Variants in B3GALT1 observed in about 807,000 individuals in gnomAD.
The protein encoded by B3GALT1 is UDP-Gal:betaGlcNAc beta 1,3-galactosyltransferase, polypeptide 1.
B3GALT1 carries 10 observed loss-of-function variants against 23.2 expected under a neutral mutation model. That is an observed-to-expected ratio of 0.43 (90% CI 0.27 to 0.73). The LOEUF is 0.73. Ranked by LOEUF, B3GALT1 falls within the 30% of genes least tolerant of loss-of-function variation. B3GALT1 has a pLI of 0.21. For missense variants in B3GALT1, 299 were observed against 405.4 expected, an observed-to-expected ratio of 0.74 and a Z score of 2.25; for synonymous variants, 156 against 141.5, an observed-to-expected ratio of 1.10 and a Z score of -0.73.
chr2:167,506,870 A>G (rs970420999), intron 2 of B3GALT1, among the ~76,000 whole-genome samples: 2 of 152,158 alleles, frequency 1.3e-5, no homozygotes, highest in African/African-American at 4.8e-5. Context: ...GCAAACATCA[A>G]ATTTCATTGA....
chr2:167,666,004 G>A (rs1253756779), intron 3 of B3GALT1, among the ~76,000 whole-genome samples: 4 of 152,082 alleles, frequency 2.6e-5, no homozygotes, highest in African/African-American at 9.7e-5. Context: ...CCTTCTGCTA[G>A]CTTTTGAATG....
chr2:167,669,017 A>C (rs1046517845), intron 3 of B3GALT1, among the ~76,000 whole-genome samples: 4 of 152,056 alleles, frequency 2.6e-5, no homozygotes, highest in African/African-American at 9.7e-5. Context: ...TTCTTTATAT[A>C]AAGTTGCTGT....
intron 3 of B3GALT1, among the ~76,000 whole-genome samples, chr2:167,652,410 G>T (rs991451713): frequency 3.3e-5 from 5 of 152,188 alleles, no homozygotes; most frequent in Admixed American, 2.6e-4. Flanking sequence ...AAACTTAGAA[G>T]TTTTATCTGT....
chr2:167,397,952 C>T (rs1180971195), intron 1 of B3GALT1, among the ~76,000 whole-genome samples: 1 of 152,096 alleles, frequency 6.6e-6, no homozygotes, highest in East Asian at 1.9e-4. Flanking sequence ...CTTCAGCCAG[C>T]CCTGGATTTG....
chr2:167,437,543 T>C (rs1211076157), intron 1 of B3GALT1, among the ~76,000 whole-genome samples: 2 of 152,142 alleles, frequency 1.3e-5, no homozygotes, highest in East Asian at 1.9e-4. Context: ...TTTCTCAGAA[T>C]TGGGAGGTAC....
intron 1 of B3GALT1, among the ~76,000 whole-genome samples, chr2:167,360,459 G>C (rs1697482774): frequency 6.6e-6 from 1 of 152,142 alleles, no homozygotes. Flanking sequence ...CTGCATCACT[G>C]ATTTCTAAAA....
chr2:167,634,290 C>T (rs1685510203), intron 2 of B3GALT1, among the ~76,000 whole-genome samples: 1 of 151,980 alleles, frequency 6.6e-6, no homozygotes, highest in South Asian at 2.1e-4. Flanking sequence ...ATTACAAGAA[C>T]TAGAGAAGCA....
intron 4 of B3GALT1, among the ~76,000 whole-genome samples, chr2:167,829,429 G>A (rs1376012326): frequency 6.6e-6 from 1 of 151,312 alleles, no homozygotes; most frequent in Non-Finnish European, 1.5e-5. Flanking sequence ...GTTACAGGGA[G>A]CCAAGATCAC....
intron 3 of B3GALT1, among the ~76,000 whole-genome samples, chr2:167,738,797 A>T (rs1310366085): frequency 1.3e-5 from 2 of 151,766 alleles, no homozygotes; most frequent in African/African-American, 2.4e-5. Flanking sequence ...TTCTTTGTAT[A>T]CTTTTGTGGG....
chr2:167,591,394 C>A (rs1018957569), intron 2 of B3GALT1, among the ~76,000 whole-genome samples: 1 of 152,102 alleles, frequency 6.6e-6, no homozygotes, highest in African/African-American at 2.4e-5. Flanking sequence ...AATCCTTTAA[C>A]TCTTACAGAC....
intron 4 of B3GALT1, among the ~76,000 whole-genome samples, chr2:167,867,245 T>C (rs1323281618): frequency 6.6e-6 from 1 of 152,202 alleles, no homozygotes; most frequent in African/African-American, 2.4e-5. Flanking sequence ...TTTTTTTCTA[T>C]TCCTAGTTTC....
At chr2:167,410,233 G>T (rs1698369727) in intron 1 of B3GALT1, among the ~76,000 whole-genome samples, 1 of 152,104 alleles carries the variant, frequency 6.6e-6, no homozygotes, top group Non-Finnish European at 1.5e-5. Context: ...GCCGGGTGCG[G>T]TGGCTCACAC....
intron 3 of B3GALT1, among the ~76,000 whole-genome samples, chr2:167,691,640 G>A (rs187629515): frequency 6.6e-6 from 1 of 152,134 alleles, no homozygotes. Context: ...CTTGCATTTT[G>A]TTGGTGCGTA....
chr2:167,597,324 A>C (rs1312097384), intron 2 of B3GALT1, among the ~76,000 whole-genome samples: 1 of 151,696 alleles, frequency 6.6e-6, no homozygotes, highest in Non-Finnish European at 1.5e-5. Flanking sequence ...ACCGTGTTAA[A>C]CAAGATAGTC....
At chr2:167,694,897 T>C (rs1686769242) in intron 3 of B3GALT1, among the ~76,000 whole-genome samples, 1 of 152,176 alleles carries the variant, frequency 6.6e-6, no homozygotes, top group Non-Finnish European at 1.5e-5. Flanking sequence ...GAATCTTAAC[T>C]GTCTACTTCT....
intron 1 of B3GALT1, among the ~76,000 whole-genome samples, chr2:167,311,915 T>C (rs1320298087): frequency 6.6e-6 from 1 of 152,010 alleles, no homozygotes; most frequent in African/African-American, 2.4e-5. Flanking sequence ...GCAGAAGCAG[T>C]ATCTGATGGG....
rs985846133 is a variant in B3GALT1, at chr2:167,540,291, A to G, written c.-410+50014A>G. Among the ~76,000 whole-genome samples, 4 of 152,146 alleles carry G rather than the reference A, an allele frequency of 2.6e-5. No homozygotes were observed. In the East Asian group the frequency reaches 7.7e-4, roughly 29 times the overall value. On this transcript the variant is annotated intron_variant, in intron 2 of 4. Transcript: ENST00000392690. ...CTACTCCAAACTATAGTGCCCTGCT[A>G]TTCAGAAAGTGGTTTCCAGACCAGC...
At chr2:167,746,943 T>G (rs1280192313) in intron 3 of B3GALT1, among the ~76,000 whole-genome samples, 2 of 152,184 alleles carry the variant, frequency 1.3e-5, no homozygotes, top group African/African-American at 4.8e-5. Flanking sequence ...TGTGATAACA[T>G]TCAGATTAAA....
intron 3 of B3GALT1, among the ~76,000 whole-genome samples, chr2:167,707,230 A>G (rs896007005): frequency 2.0e-5 from 3 of 152,182 alleles, no homozygotes; most frequent in East Asian, 1.9e-4. Context: ...AAACACCCCT[A>G]TTGAGCCCTG....
Sources: gnomAD v4.1 joint callset for allele counts (sites outside exome capture counted in the v4.1 genomes callset) on GRCh38, gnomAD v4.1.1 for gene constraint, MANE v1.5 for transcripts, NCBI Gene and HGNC (gene_info 2026-07-23, HGNC 2026-07-21) for gene names.